PTPRN2: variants seen among roughly 807,000 people sequenced by gnomAD.
PTPRN2 encodes the protein receptor-type tyrosine-protein phosphatase N2.
Under a neutral mutation model 118.8 loss-of-function variants are expected in PTPRN2, and 74 were observed. That is an observed-to-expected ratio of 0.62 (90% CI 0.52 to 0.76). The LOEUF (loss-of-function observed/expected upper bound fraction) is 0.76, where lower values mean the gene tolerates loss of function less well. PTPRN2 is among the 30% of genes least tolerant of loss of function. The pLI is 0.00. For missense variants in PTPRN2, 1,481 were observed against 1,394.4 expected (o/e 1.06, Z -0.99); for synonymous variants, 641 against 608.0 (o/e 1.05, Z -0.80).
At chr7:157,554,808 T>C (rs528308471) in intron 21 of PTPRN2, among the ~76,000 whole-genome samples, 1 of 152,350 alleles carries the variant, frequency 6.6e-6, no homozygotes, top group African/African-American at 2.4e-5. Flanking sequence ...TCCCAGGCGT[T>C]TTCCACCTAA....
At chr7:158,547,461 A>C (rs1826358285) in intron 1 of PTPRN2, among the ~76,000 whole-genome samples, 1 of 152,036 alleles carries the variant, frequency 6.6e-6, no homozygotes, top group Non-Finnish European at 1.5e-5. Context: ...GGGCTGCTAT[A>C]AGTAGGATCT....
intron 11 of PTPRN2, among the ~76,000 whole-genome samples, chr7:157,995,686 C>T (rs1467988152): frequency 6.6e-6 from 1 of 152,248 alleles, no homozygotes; most frequent in African/African-American, 2.4e-5. Context: ...CCTGCTTTGC[C>T]TCAGCGTCCA....
chr7:158,176,197 G>A lies in PTPRN2; in HGVS notation c.550-8906C>T, dbSNP rs554119563. Among the ~76,000 whole-genome samples the A allele has an allele frequency of 1.5e-3, 234 of 152,296 alleles. 1 individual carries two copies. Among genetic ancestry groups the A allele is most frequent in the African/African-American group, 5.1e-3 (210 of 41,572 alleles). On this transcript the variant is annotated intron_variant, in intron 5 of 22. Coordinates refer to ENST00000389418, the MANE Select transcript of PTPRN2 (RefSeq NM_002847.5). ...AAGCACAGGGCATGATTAAAGCAGCGAGTTCCAATCCATGTCCCGTCCACC... is the reference window on the plus strand; with the variant it reads ...AAGCACAGGGCATGATTAAAGCAGCAAGTTCCAATCCATGTCCCGTCCACC...
intron 11 of PTPRN2, among the ~76,000 whole-genome samples, chr7:158,017,103 C>T (rs557237261): frequency 3.3e-5 from 5 of 152,284 alleles, no homozygotes; most frequent in African/African-American, 1.2e-4. Context: ...TAACAAACGC[C>T]ATGGCAAAGG....
chr7:158,077,596 C>T (rs900167170), intron 11 of PTPRN2, among the ~76,000 whole-genome samples: 4 of 150,014 alleles, frequency 2.7e-5, no homozygotes, highest in African/African-American at 1.0e-4. Context: ...GCCAGAGACA[C>T]ACCCTCCGTG....
intron 1 of PTPRN2, among the ~76,000 whole-genome samples, chr7:158,582,302 G>C (rs1309537742): frequency 1.3e-5 from 2 of 152,220 alleles, no homozygotes; most frequent in Admixed American, 6.5e-5. Context: ...GGAACATCAT[G>C]TCAGGAAAGA....
intron 11 of PTPRN2, among the ~76,000 whole-genome samples, chr7:157,969,070 A>T (rs1352074822): frequency 6.6e-6 from 1 of 152,160 alleles, no homozygotes; most frequent in Admixed American, 6.5e-5. Flanking sequence ...TGCACATGTC[A>T]GATGCTGCAC....
At chr7:158,405,972 G>A (rs550261759) in intron 2 of PTPRN2, among the ~76,000 whole-genome samples, 1 of 147,500 alleles carries the variant, frequency 6.8e-6, no homozygotes, top group South Asian at 2.2e-4. Context: ...ACACGTGTCC[G>A]CACACTGAGA....
At chr7:157,736,134 T>G (rs1585340415) in intron 12 of PTPRN2, among the ~76,000 whole-genome samples, 1 of 152,204 alleles carries the variant, frequency 6.6e-6, no homozygotes, top group East Asian at 1.9e-4. Flanking sequence ...CATCTCTGGC[T>G]GGGGATACAT....
At chr7:158,008,429 C>T (rs1805816526) in intron 11 of PTPRN2, among the ~76,000 whole-genome samples, 1 of 152,248 alleles carries the variant, frequency 6.6e-6, no homozygotes, top group African/African-American at 2.4e-5. Context: ...CATTTCAACT[C>T]AGTTCTGTCC....
chr7:158,543,617 C>A (rs1228447239), intron 1 of PTPRN2, among the ~76,000 whole-genome samples: 1 of 152,202 alleles, frequency 6.6e-6, no homozygotes, highest in Non-Finnish European at 1.5e-5. Context: ...AAAATGTGAT[C>A]TTATGTTAAG....
intron 11 of PTPRN2, among the ~76,000 whole-genome samples, chr7:158,017,096 C>T (rs906623804): frequency 6.6e-6 from 1 of 152,202 alleles, no homozygotes; most frequent in Non-Finnish European, 1.5e-5. Context: ...ATAACGTTAA[C>T]AAACGCCATG....
At chr7:157,958,459 G>A (rs1419980825) in intron 11 of PTPRN2, among the ~76,000 whole-genome samples, 3 of 152,010 alleles carry the variant, frequency 2.0e-5, no homozygotes, top group African/African-American at 7.2e-5. Flanking sequence ...ACATAAAATT[G>A]TTTCTGTTCA....
At chr7:158,414,590 G>A (rs1336172004) in intron 2 of PTPRN2, among the ~76,000 whole-genome samples, 1 of 152,200 alleles carries the variant, frequency 6.6e-6, no homozygotes, top group Non-Finnish European at 1.5e-5. Context: ...GAAGAAGCTG[G>A]CACGAGCTCA....
chr7:158,454,780 A>G (rs1021266165), intron 2 of PTPRN2, among the ~76,000 whole-genome samples: 1 of 152,202 alleles, frequency 6.6e-6, no homozygotes, highest in African/African-American at 2.4e-5. Flanking sequence ...TGGAGTGTGG[A>G]TCATTGCAAT....
chr7:157,683,324 G>T (rs73163862), intron 12 of PTPRN2, among the ~76,000 whole-genome samples: 23,443 of 152,150 alleles, frequency 0.15, 1,918 homozygotes, highest in Admixed American at 0.2. Flanking sequence ...GTGCTGGGGG[G>T]AGGCCAGGCT....
chr7:157,870,795 G>T (rs548163420), intron 12 of PTPRN2, among the ~76,000 whole-genome samples: 2 of 152,210 alleles, frequency 1.3e-5, no homozygotes, highest in Non-Finnish European at 2.9e-5. Context: ...GCATGGCCTC[G>T]TGCCAGCCTC....
intron 12 of PTPRN2, among the ~76,000 whole-genome samples, chr7:157,688,637 C>T (rs923963958): frequency 1.3e-5 from 2 of 152,230 alleles, no homozygotes; most frequent in Non-Finnish European, 2.9e-5. Flanking sequence ...GGCCTGGCCT[C>T]CCCACCCCGC....
chr7:157,793,558 G>T (rs1804662163), intron 12 of PTPRN2, among the ~76,000 whole-genome samples: 1 of 152,192 alleles, frequency 6.6e-6, no homozygotes, highest in Non-Finnish European at 1.5e-5. Context: ...GGGTGGGATG[G>T]GTGGATGCTC....
Sources: allele counts gnomAD v4.1 joint callset (sites outside exome capture counted in the v4.1 genomes callset), GRCh38; gene constraint gnomAD v4.1.1; transcripts MANE v1.5; gene names NCBI Gene and HGNC (gene_info 2026-07-23, HGNC 2026-07-21).